Variants in SIDT1 observed in about 807,000 individuals in gnomAD.
The protein encoded by SIDT1 is SID1 transmembrane family, member 1.
Under a neutral mutation model 107.5 loss-of-function variants are expected in SIDT1, and 101 were observed. The ratio of observed to expected loss-of-function variants is 0.94; its 90% confidence interval spans 0.80 to 1.11. The LOEUF is 1.11. SIDT1 is among the 50% of genes least tolerant of loss of function. The pLI is 0.00. For missense variants in SIDT1, 1,076 were observed against 1,058.2 expected, an observed-to-expected ratio of 1.02 and a Z score of -0.23; for synonymous variants, 395 against 398.2, an observed-to-expected ratio of 0.99 and a Z score of 0.10.
At chr3:113,632,162 A>G (rs561243791), downstream of SIDT1, among the ~76,000 whole-genome samples, 6 of 152,284 alleles carry the variant, frequency 3.9e-5, no homozygotes, top group East Asian at 1.2e-3. Flanking sequence ...TATAGTTACA[A>G]TTTAGAAATC....
intron 1 of SIDT1, among the ~76,000 whole-genome samples, chr3:113,556,264 A>G (rs113163433): frequency 7.2e-4 from 109 of 152,238 alleles, no homozygotes; most frequent in Non-Finnish European, 1.5e-4. Flanking sequence ...AGTCACATCA[A>G]TAACTATAGA....
intron 14 of SIDT1, among the ~76,000 whole-genome samples, chr3:113,605,640 A>G (rs1945272680): frequency 1.3e-5 from 2 of 152,326 alleles, no homozygotes; most frequent in Middle Eastern, 3.4e-3. Context: ...TCCAGACTAA[A>G]ACAAAGGAAC....
At chr3:113,618,818 ATTTG>A (rs987307787) in intron 20 of SIDT1, among the ~76,000 whole-genome samples, 5 of 152,118 alleles carry the variant, frequency 3.3e-5, no homozygotes, top group Non-Finnish European at 5.9e-5. Flanking sequence ...ATTGTCATTT[ATTTG>A]TTTGTTTGTT....
chr3:113,615,139 G>T, intron 19 of SIDT1: 4 of 1,513,790 alleles, frequency 2.6e-6, no homozygotes, highest in Non-Finnish European at 3.5e-6. Flanking sequence ...GATCCACCTG[G>T]CTGTCCTGGC....
Position 113,532,619 on chromosome 3 carries a change from G to T in SIDT1, c.-403G>T, listed in dbSNP as rs899125684. The T allele has an allele frequency of 5.8e-6, 1 of 170,996 alleles. No homozygotes were observed. Among genetic ancestry groups the T allele is most frequent in the Non-Finnish European group, 1.2e-5 (1 of 81,214 alleles). 10.6% of individuals were successfully genotyped at this position (170,996 alleles called of 1,614,324 possible). ...CAGGTTGACTTTTCGAGACTAGCGG[G>T]TATTTCTTTTTAATGACTCCAATGC... On this transcript the variant is annotated 5_prime_UTR_variant, in exon 1 of 25. Transcript: ENST00000264852.
chr3:113,566,497 GAA>G lies in SIDT1; in HGVS notation c.302_303del (p.Lys101ArgfsTer36), dbSNP rs1227885435. On this transcript the variant is annotated frameshift_variant, in exon 2 of 25. Transcript: ENST00000264852. LOFTEE classifies it high-confidence loss of function. ...YPVLVVVRQQ[K>X]EVLSWQVPLL... ...CGGTCCTTGTTGTGGTTCGCCAGCA[GAA>G]AGAGGTGCTGTCCTGGCAGGTTCCT... 6.2e-7 allele frequency: 1 copy of G among 1,614,222 alleles called. No individual in the cohort carries two copies. Among genetic ancestry groups the G allele is most frequent in the Non-Finnish European group, 8.5e-7 (1 of 1,180,036 alleles).
intron 3 of SIDT1, among the ~76,000 whole-genome samples, chr3:113,572,380 A>G (rs545213709): frequency 1.8e-4 from 27 of 152,206 alleles, no homozygotes; most frequent in Admixed American, 5.9e-4. Flanking sequence ...ATGCCTGGGC[A>G]AGACAGGGTT....
intron 7 of SIDT1, 161 bp from the exon 8 acceptor site, chr3:113,584,537 A>G: frequency 1.7e-6 from 1 of 574,644 alleles, no homozygotes. Context: ...TGATGGTTTG[A>G]AGGTTTGGGG....
intron 14 of SIDT1, among the ~76,000 whole-genome samples, chr3:113,605,404 G>GCATGAGC (rs1945257973): frequency 6.6e-6 from 1 of 152,084 alleles, no homozygotes; most frequent in African/African-American, 2.4e-5. Flanking sequence ...GGGATTACAG[G>GCATGAGC]CATGAGCCAC....
chr3:113,586,795 G>T (rs1380435473), intron 9 of SIDT1, among the ~76,000 whole-genome samples: 1 of 152,094 alleles, frequency 6.6e-6, no homozygotes, highest in East Asian at 1.9e-4. Flanking sequence ...ATGCATATTT[G>T]GAATCTAATC....
At chr3:113,561,258 G>A (rs1941403308) in intron 1 of SIDT1, among the ~76,000 whole-genome samples, 1 of 152,110 alleles carries the variant, frequency 6.6e-6, no homozygotes, top group Non-Finnish European at 1.5e-5. Context: ...TCCTTTCCTG[G>A]GGGTAATCCA....
intron 9 of SIDT1, among the ~76,000 whole-genome samples, chr3:113,587,935 G>T (rs1560081438): frequency 6.6e-6 from 1 of 152,162 alleles, no homozygotes; most frequent in Non-Finnish European, 1.5e-5. Context: ...TTGAAAAGGG[G>T]TCCAAAACAC....
At chr3:113,618,777 G>A (rs1946271508) in intron 20 of SIDT1, among the ~76,000 whole-genome samples, 3 of 152,198 alleles carry the variant, frequency 2.0e-5, no homozygotes, top group Admixed American at 6.5e-5. Context: ...AAAGAACAGG[G>A]ACAGATTGTG....
chr3:113,605,896 C>T (rs955752546), intron 14 of SIDT1, among the ~76,000 whole-genome samples: 27 of 151,738 alleles, frequency 1.8e-4, no homozygotes, highest in South Asian at 2.1e-4. Context: ...CCCAGCTACT[C>T]GGGAGGCTGA....
At chr3:113,545,656 A>G (rs188430440) in intron 1 of SIDT1, among the ~76,000 whole-genome samples, 4 of 152,262 alleles carry the variant, frequency 2.6e-5, no homozygotes, top group Non-Finnish European at 5.9e-5. Flanking sequence ...TATCTGTTGG[A>G]TCACATGCAG....
At chr3:113,554,226 C>T (rs1340208890) in intron 1 of SIDT1, among the ~76,000 whole-genome samples, 4 of 152,094 alleles carry the variant, frequency 2.6e-5, no homozygotes, top group Admixed American at 2.0e-4. Flanking sequence ...AAAGTATGTT[C>T]GATGGAACAA....
chr3:113,612,843 C>A (rs1270721294), intron 19 of SIDT1, among the ~76,000 whole-genome samples: 1 of 152,104 alleles, frequency 6.6e-6, no homozygotes, highest in Non-Finnish European at 1.5e-5. Flanking sequence ...CTTAAATATC[C>A]TTTTGTCTAT....
At chr3:113,617,922 A>G (rs1043649282) in intron 20 of SIDT1, among the ~76,000 whole-genome samples, 1 of 152,190 alleles carries the variant, frequency 6.6e-6, no homozygotes, top group Non-Finnish European at 1.5e-5. Flanking sequence ...ATGAGCCTAC[A>G]CTGACACATC....
intron 3 of SIDT1, among the ~76,000 whole-genome samples, chr3:113,572,040 C>G (rs1942508892): frequency 6.6e-6 from 1 of 151,996 alleles, no homozygotes; most frequent in African/African-American, 2.4e-5. Context: ...AAGGCTGATG[C>G]AGTAGTCAAG....
Sources: allele counts gnomAD v4.1 joint callset (sites outside exome capture counted in the v4.1 genomes callset), GRCh38; gene constraint gnomAD v4.1.1; transcripts MANE v1.5; gene names NCBI Gene and HGNC (gene_info 2026-07-23, HGNC 2026-07-21).